The following KANK1 variants were observed in gnomAD, a reference collection of about 807,000 sequenced individuals.
The protein encoded by KANK1 is KN motif and ankyrin repeat domain-containing protein 1.
KANK1 carries 109 observed loss-of-function variants against 106.2 expected under a neutral mutation model. The observed-to-expected ratio is 1.03, with a 90% confidence interval of 0.88 to 1.20. The LOEUF is 1.20. Ranked by LOEUF, KANK1 falls within the 50% of genes most tolerant of loss-of-function variation. KANK1 has a pLI of 0.00. For synonymous variants in KANK1, 873 were observed against 652.2 expected (o/e 1.34, Z -5.16); for missense variants, 2,399 against 1,710.7 (o/e 1.40, Z -7.10).
chr9:543,616 G>C (rs887928301), intron 1 of KANK1, among the ~76,000 whole-genome samples: 2 of 151,272 alleles, frequency 1.3e-5, no homozygotes, highest in African/African-American at 4.9e-5. Context: ...ACACTACTGC[G>C]TGTTTGTCCT....
chr9:642,371 T>G (rs1433669300), intron 1 of KANK1, among the ~76,000 whole-genome samples: 1 of 150,934 alleles, frequency 6.6e-6, no homozygotes, highest in East Asian at 1.9e-4. Flanking sequence ...CTCCCTAACC[T>G]TAAAAAGTCG....
At chr9:723,633 A>C (rs77317052) in intron 3 of KANK1, among the ~76,000 whole-genome samples, 1 of 152,012 alleles carries the variant, frequency 6.6e-6, no homozygotes, top group African/African-American at 2.4e-5. Context: ...TCTGTAATTC[A>C]TTCTGTGCAT....
At chr9:640,421 A>C (rs1242539018) in intron 1 of KANK1, among the ~76,000 whole-genome samples, 3 of 149,376 alleles carry the variant, frequency 2.0e-5, no homozygotes, top group Non-Finnish European at 4.5e-5. Context: ...TTTTTTATAC[A>C]GAGTCAGTCT....
intron 1 of KANK1, among the ~76,000 whole-genome samples, chr9:567,857 A>G (rs1365594605): frequency 6.6e-6 from 1 of 152,196 alleles, no homozygotes; most frequent in Non-Finnish European, 1.5e-5. Context: ...AAGTTTGCAG[A>G]TGTTTTATAA....
intron 1 of KANK1, among the ~76,000 whole-genome samples, chr9:658,559 C>G (rs180975503): frequency 7.2e-5 from 11 of 151,786 alleles, no homozygotes; most frequent in Non-Finnish European, 1.5e-4. Flanking sequence ...CTAGACCTCT[C>G]TAAGCCCTAG....
intron 1 of KANK1, among the ~76,000 whole-genome samples, chr9:535,629 G>A (rs2060262929): frequency 2.6e-5 from 4 of 152,228 alleles, no homozygotes. Flanking sequence ...CACCTGCTGA[G>A]TGACAGAGTT....
At chr9:609,021 T>G (rs780857836) in intron 1 of KANK1, among the ~76,000 whole-genome samples, 2 of 152,144 alleles carry the variant, frequency 1.3e-5, no homozygotes, top group Non-Finnish European at 2.9e-5. Flanking sequence ...AGTTACCCTT[T>G]GGGACTTGAA....
intron 3 of KANK1, chr9:484,168 G>A (rs893827623): frequency 2.0e-5 from 3 of 152,138 alleles, no homozygotes; most frequent in African/African-American, 7.2e-5. Context: ...GGGTTTCAAG[G>A]ATATGTCGGT....
intron 1 of KANK1, among the ~76,000 whole-genome samples, chr9:519,463 G>T (rs1356492433): frequency 6.6e-6 from 1 of 151,792 alleles, no homozygotes; most frequent in Non-Finnish European, 1.5e-5. Context: ...TTGGCTTCTA[G>T]AGAAAAGTTT....
chr9:719,345 A>G (rs1415378432), intron 3 of KANK1, among the ~76,000 whole-genome samples: 1 of 152,188 alleles, frequency 6.6e-6, no homozygotes, highest in African/African-American at 2.4e-5. Context: ...AGTAACCTAA[A>G]TATTTGAAAG....
At position 584,393 on chromosome 9, in the gene KANK1, T is replaced by A. The variant is rs1057148126; in HGVS notation, c.-84+79639T>A. 2.0e-5 allele frequency among the ~76,000 whole-genome samples: 3 copies of A among 152,214 alleles called. No homozygotes were observed. In the East Asian group the frequency reaches 5.8e-4, roughly 29 times the overall value. On this transcript the variant is annotated intron_variant, in intron 1 of 11. Transcript: ENST00000382297. Reference sequence around the variant, plus strand: ...TATCCTCATGATTTTTATTTTTTCTTTGATTTTTATGAACTTACAGTAAAG... The same window carrying A: ...TATCCTCATGATTTTTATTTTTTCTATGATTTTTATGAACTTACAGTAAAG...
intron 1 of KANK1, among the ~76,000 whole-genome samples, chr9:591,579 G>C (rs1317355076): frequency 6.6e-6 from 1 of 151,838 alleles, no homozygotes; most frequent in East Asian, 1.9e-4. Flanking sequence ...TCCTGTCCCT[G>C]AAATTCTGCA....
intron 1 of KANK1, among the ~76,000 whole-genome samples, chr9:673,212 T>G (rs1212239576): frequency 1.0e-5 from 1 of 95,452 alleles, no homozygotes; most frequent in Admixed American, 1.3e-4. Flanking sequence ...TTTTTTTTTT[T>G]TTTTTTTTTT....
intron 2 of KANK1, chr9:707,125 A>ATGTTGGC (rs1824481928): frequency 1.0e-6 from 1 of 985,346 alleles, no homozygotes; most frequent in Admixed American, 6.1e-5. Context: ...CCAAGTTTAC[A>ATGTTGGC]CGAATGTTGA....
intron 1 of KANK1, among the ~76,000 whole-genome samples, chr9:664,534 C>T (rs768437227): frequency 2.0e-5 from 3 of 152,080 alleles, no homozygotes; most frequent in East Asian, 1.9e-4. Flanking sequence ...TGGACTCAAG[C>T]GATCCACCTG....
At chr9:565,426 C>G (rs184175191) in intron 1 of KANK1, among the ~76,000 whole-genome samples, 1 of 152,336 alleles carries the variant, frequency 6.6e-6, no homozygotes, top group African/African-American at 2.4e-5. Context: ...TCTTCCAGTT[C>G]ACTGAGACCA....
At chr9:673,781 TTCTTG>T (rs1174624559) in intron 1 of KANK1, 1 of 152,080 alleles carries the variant, frequency 6.6e-6, no homozygotes, top group African/African-American at 2.4e-5. Flanking sequence ...AGCTTGTCCC[TTCTTG>T]TCTTCTGTTT....
At chr9:472,069 C>G (rs1198676341) in intron 2 of KANK1, among the ~76,000 whole-genome samples, 1 of 152,218 alleles carries the variant, frequency 6.6e-6, no homozygotes, top group African/African-American at 2.4e-5. Context: ...TACGCCAAAA[C>G]ACTCTTACAT....
chr9:517,002 C>CACACACACACACACAG (rs1226890856), intron 1 of KANK1, among the ~76,000 whole-genome samples: 1 of 150,664 alleles, frequency 6.6e-6, no homozygotes, highest in Non-Finnish European at 1.5e-5. Flanking sequence ...ACCCTCTACA[C>CACACACACACACACAG]ACACACACAC....
Sources: allele counts gnomAD v4.1 joint callset (sites outside exome capture counted in the v4.1 genomes callset), GRCh38; gene constraint gnomAD v4.1.1; transcripts MANE v1.5; gene names NCBI Gene and HGNC (gene_info 2026-07-23, HGNC 2026-07-21).